SMAP2: variants seen among roughly 807,000 people sequenced by gnomAD.
SMAP2 encodes stromal membrane-associated protein 2.
SMAP2 carries 25 observed loss-of-function variants against 56.4 expected under a neutral mutation model. The observed-to-expected ratio is 0.44, with a 90% confidence interval of 0.32 to 0.62. The LOEUF is 0.62. Ranked by LOEUF, SMAP2 falls within the 20% of genes least tolerant of loss-of-function variation. The probability of loss-of-function intolerance (pLI) is 0.04; values close to 1 mark genes in which losing one functional copy is unlikely to be tolerated. For synonymous variants in SMAP2, 157 were observed against 181.7 expected (o/e 0.86, Z 1.09); for missense variants, 388 against 545.6 (o/e 0.71, Z 2.88).
Position 40,374,647 on chromosome 1 carries a change from C to CGAG in SMAP2, c.103+438_103+440dup, listed in dbSNP as rs754713538. 3.5e-5 allele frequency: 53 copies of CGAG among 1,502,398 alleles called. No homozygotes were observed. Among genetic ancestry groups the CGAG allele is most frequent in the East Asian group, 1.7e-4 (7 of 40,086 alleles). The allele number at this position is 1,502,398 out of a possible 1,614,324, so 93.1% of individuals were successfully genotyped here. On this transcript the variant is annotated intron_variant, in intron 1 of 9. Coordinates refer to ENST00000372718, the MANE Select transcript of SMAP2 (RefSeq NM_022733.3). This position sits in a 1 kb window ranked among gnomAD's most constrained non-coding sequence, Gnocchi z 5.9. ...TGTGAGAGAGAGAGAGAGAGAATGA[C>CGAG]GAGGAGGAGGAGGAGGGAAGTGAGA...
chr1:40,378,192 A>G (rs1051144454), intron 1 of SMAP2, among the ~76,000 whole-genome samples: 2 of 152,098 alleles, frequency 1.3e-5, no homozygotes, highest in African/African-American at 4.8e-5. Flanking sequence ...TGGTGCGATT[A>G]TAGCTCACTG....
At chr1:40,396,518 A>G (rs183992213) in intron 1 of SMAP2, among the ~76,000 whole-genome samples, 2 of 152,290 alleles carry the variant, frequency 1.3e-5, no homozygotes, top group Admixed American at 6.5e-5. Flanking sequence ...AGCTTAACTT[A>G]TGCTCTTTTT....
intron 1 of SMAP2, among the ~76,000 whole-genome samples, chr1:40,345,470 C>A (rs1397724416): frequency 6.6e-6 from 1 of 151,766 alleles, no homozygotes; most frequent in African/African-American, 2.4e-5. Context: ...ACCCCCACCA[C>A]ACACAAGCAC....
At position 40,416,343 on chromosome 1, in the gene SMAP2, T is replaced by C; in HGVS notation, c.847+2T>C. 6.2e-7 allele frequency: 1 copy of C among 1,612,186 alleles called. No homozygotes were observed. The highest frequency in any genetic ancestry group is 8.5e-7 in the Non-Finnish European group (1 of 1,179,258). On this transcript the variant is annotated splice_donor_variant, in intron 8 of 9. Transcript: ENST00000372718. LOFTEE classifies it high-confidence loss of function. ...AGACGCCTCAAATGCCTACTCAAGG[T>C]AGATTTCATGGGTGTCATGGCCATG...
At chr1:40,379,573 T>G (rs1436098842) in intron 1 of SMAP2, among the ~76,000 whole-genome samples, 1 of 148,710 alleles carries the variant, frequency 6.7e-6, no homozygotes, top group Non-Finnish European at 1.5e-5. Flanking sequence ...TTTTTTTTTT[T>G]TTTTTTGAGG....
In SMAP2 at chr1:40,422,126, A is replaced by G. The variant is rs1274252250; in HGVS notation, c.*25A>G. ...AAAACAAAACACCTGTATGGCTGCC[A>G]TTCTCTTCAGCCCTCGCTCTCCCCT... On this transcript the variant is annotated 3_prime_UTR_variant, in exon 10 of 10. Coordinates refer to ENST00000372718, the MANE Select transcript of SMAP2 (RefSeq NM_022733.3). 1.2e-6 allele frequency: 2 copies of G among 1,612,812 alleles called. No individual in the cohort carries two copies. The highest frequency in any genetic ancestry group is 8.5e-7 in the Non-Finnish European group (1 of 1,179,582).
chr1:40,372,606 T>C (rs148208399), upstream of SMAP2, among the ~76,000 whole-genome samples: 112 of 152,342 alleles, frequency 7.4e-4, no homozygotes, highest in African/African-American at 2.6e-3. Context: ...AATTTAATTG[T>C]TGTGATTAAT....
At chr1:40,402,441 CTGTATTTT>C (rs1461927624) in intron 1 of SMAP2, among the ~76,000 whole-genome samples, 1 of 151,800 alleles carries the variant, frequency 6.6e-6, no homozygotes, top group Non-Finnish European at 1.5e-5. Flanking sequence ...TTTCTTCTAA[CTGTATTTT>C]TGTATTTTTG....
chr1:40,388,429 T>C (rs1644682911), intron 1 of SMAP2, among the ~76,000 whole-genome samples: 1 of 152,018 alleles, frequency 6.6e-6, no homozygotes, highest in African/African-American at 2.4e-5. Context: ...GCACCCTGTG[T>C]CTAGCTCAGG....
In SMAP2 at chr1:40,416,251, A is replaced by G. The variant is rs1391255522; in HGVS notation, c.757A>G (p.Ser253Gly). Residue 253 changes from serine (S) to glycine (G), a missense_variant, in exon 8 of 10, where the codon AGC becomes GGC. Physicochemically the swap from Ser to Gly is moderately conservative, Grantham distance 56. Coordinates refer to ENST00000372718, the MANE Select transcript of SMAP2 (RefSeq NM_022733.3). ...TCTGAACCTGTTTCCGGAGCCAGGG[A>G]GCAAATCAGAAGAAATAGGCAAGAA... ...ENLNLFPEPGSKSEEIGKKQL... is the reference protein window; with the variant it reads ...ENLNLFPEPGGKSEEIGKKQL... The G allele has an allele frequency of 6.2e-7, 1 of 1,613,972 alleles. No individual in the cohort carries two copies. Among genetic ancestry groups the G allele is most frequent in the Non-Finnish European group, 8.5e-7 (1 of 1,180,032 alleles).
chr1:40,410,725 A>G (rs1003048697), intron 4 of SMAP2, among the ~76,000 whole-genome samples: 1 of 152,188 alleles, frequency 6.6e-6, no homozygotes, highest in Non-Finnish European at 1.5e-5. Flanking sequence ...TATGATAACT[A>G]GGACAAATAT....
At chr1:40,372,782 A>G (rs1160939133), upstream of SMAP2, among the ~76,000 whole-genome samples, 1 of 152,206 alleles carries the variant, frequency 6.6e-6, no homozygotes, top group African/African-American at 2.4e-5. Context: ...TGGCAGCCAG[A>G]GTGACCTTTT....
intron 1 of SMAP2, among the ~76,000 whole-genome samples, chr1:40,405,155 C>T (rs944922431): frequency 3.3e-5 from 5 of 152,140 alleles, no homozygotes; most frequent in African/African-American, 4.8e-5. Context: ...TAATTTTCTG[C>T]CACACAATTC....
At chr1:40,410,803 G>A (rs1187448654) in intron 4 of SMAP2, among the ~76,000 whole-genome samples, 3 of 152,142 alleles carry the variant, frequency 2.0e-5, no homozygotes, top group African/African-American at 7.2e-5. Context: ...GACAGCTAAT[G>A]GAGAACCAAT....
intron 1 of SMAP2, among the ~76,000 whole-genome samples, chr1:40,358,754 G>A (rs1475969242): frequency 1.1e-4 from 16 of 152,190 alleles, no homozygotes; most frequent in Non-Finnish European, 1.0e-4. Context: ...TTTTAGTGCA[G>A]ATTAAGTCTG....
At position 40,408,765 on chromosome 1, in the gene SMAP2, G is replaced by A; in HGVS notation, c.323+27G>A. Reference sequence around the variant, plus strand: ...TATCTTTTCTGGAGCAACTTAGAAGGCTGAGTGGTATTTTGATGCTTGGGG... The same window carrying A: ...TATCTTTTCTGGAGCAACTTAGAAGACTGAGTGGTATTTTGATGCTTGGGG... On this transcript the variant is annotated intron_variant, in intron 3 of 9. Transcript: ENST00000372718. This position sits in a 1 kb window ranked among gnomAD's most constrained non-coding sequence, Gnocchi z 4.3. 6.3e-7 allele frequency: 1 copy of A among 1,580,604 alleles called. No individual in the cohort carries two copies. The highest frequency in any genetic ancestry group is 8.7e-7 in the Non-Finnish European group (1 of 1,149,696).
intron 7 of SMAP2, among the ~76,000 whole-genome samples, 185 bp downstream of exon 7, chr1:40,415,566 C>A (rs1644979055): frequency 6.6e-6 from 1 of 151,844 alleles, no homozygotes; most frequent in Non-Finnish European, 1.5e-5. Context: ...GCCTTTTTTT[C>A]TCCTGCTCAA....
At chr1:40,387,526 C>T (rs1644668981) in intron 1 of SMAP2, among the ~76,000 whole-genome samples, 1 of 152,186 alleles carries the variant, frequency 6.6e-6, no homozygotes, top group African/African-American at 2.4e-5. Flanking sequence ...TTCTGAACTG[C>T]TTCATTGCAG....
At position 40,348,681 on chromosome 1, in the gene SMAP2, CAA is replaced by C. The variant is rs56924224; in HGVS notation, c.-83+3780_-83+3781del. ...GACAGAGGGAGACTCTGTCCCCCCT[CAA>C]AAAAAAAATTAATAAACTTATGAAA... is the stretch of plus-strand genomic sequence containing the variant. On this transcript the variant is annotated intron_variant, in intron 1 of 6. Transcript: ENST00000435168. 1.1e-3 allele frequency among the ~76,000 whole-genome samples: 157 copies of C among 147,876 alleles called. 1 individual carries two copies. Among genetic ancestry groups the C allele is most frequent in the African/African-American group, 3.8e-3 (153 of 40,652 alleles).
Sources: allele counts gnomAD v4.1 joint callset (sites outside exome capture counted in the v4.1 genomes callset), GRCh38; gene constraint gnomAD v4.1.1; non-coding constraint Gnocchi (gnomAD v3.1); transcripts MANE v1.5; gene names NCBI Gene and HGNC (gene_info 2026-07-23, HGNC 2026-07-21).